KDM4C: variants seen among roughly 807,000 people sequenced by gnomAD.
The protein encoded by KDM4C is lysine-specific demethylase 4C.
In KDM4C, 81 loss-of-function variants were observed where a neutral mutation model predicts 129.3. That is an observed-to-expected ratio of 0.63 (90% CI 0.52 to 0.75). The LOEUF (loss-of-function observed/expected upper bound fraction) is 0.75, where lower values mean the gene tolerates loss of function less well. KDM4C is among the 30% of genes least tolerant of loss of function. The pLI is 0.00. For missense variants in KDM4C, 1,457 were observed against 1,304.0 expected (o/e 1.12, Z -1.81); for synonymous variants, 573 against 456.1 (o/e 1.26, Z -3.26).
intron 19 of KDM4C, among the ~76,000 whole-genome samples, chr9:7,132,876 A>G (rs1409301068): frequency 6.6e-6 from 1 of 152,242 alleles, no homozygotes; most frequent in Non-Finnish European, 1.5e-5. Context: ...ATGAGAAGAG[A>G]AACAGGACCA....
chr9:6,995,399 C>T (rs1819511826), intron 12 of KDM4C, among the ~76,000 whole-genome samples: 1 of 152,010 alleles, frequency 6.6e-6, no homozygotes, highest in South Asian at 2.1e-4. Context: ...AGAATAGTTG[C>T]CATGGAGATG....
At chr9:6,835,154 C>G in intron 4 of KDM4C, 1 of 969,334 alleles carries the variant, frequency 1.0e-6, no homozygotes, top group Middle Eastern at 2.1e-4. Context: ...TCCAGCTCCT[C>G]CCTGGAGAAG....
chr9:6,873,262 A>C (rs1843039777), intron 5 of KDM4C, among the ~76,000 whole-genome samples: 1 of 152,162 alleles, frequency 6.6e-6, no homozygotes, highest in South Asian at 2.1e-4. Flanking sequence ...CTGGGATTAC[A>C]GGTGTGCTGG....
intron 20 of KDM4C, among the ~76,000 whole-genome samples, chr9:7,166,062 A>G (rs912621759): frequency 5.3e-5 from 8 of 152,202 alleles, no homozygotes; most frequent in Admixed American, 5.2e-4. Context: ...TCCTTCAGAA[A>G]GGTTTTAAAA....
intron 10 of KDM4C, among the ~76,000 whole-genome samples, chr9:6,984,613 C>T (rs778626348): frequency 1.5e-4 from 23 of 151,524 alleles, no homozygotes; most frequent in Non-Finnish European, 2.9e-4. Flanking sequence ...AATTGTGAGA[C>T]AAGCAGTCAG....
intron 3 of KDM4C, among the ~76,000 whole-genome samples, chr9:6,811,214 C>T (rs760033529): frequency 7.2e-5 from 11 of 151,994 alleles, no homozygotes; most frequent in East Asian, 1.9e-4. Flanking sequence ...AGTGCAGTGG[C>T]GTGATCTCGG....
At chr9:7,142,939 A>G (rs1374321004) in intron 19 of KDM4C, among the ~76,000 whole-genome samples, 2 of 152,224 alleles carry the variant, frequency 1.3e-5, no homozygotes, top group African/African-American at 4.8e-5. Flanking sequence ...TAGGAATTAC[A>G]TCCTGTATAT....
intron 2 of KDM4C, among the ~76,000 whole-genome samples, chr9:6,801,299 C>G (rs1191276112): frequency 8.6e-6 from 1 of 116,774 alleles, no homozygotes; most frequent in African/African-American, 3.4e-5. Flanking sequence ...TGTCCCCAGG[C>G]TGGAGTGCAG....
chr9:6,985,330 C>T (rs971774204), intron 10 of KDM4C, among the ~76,000 whole-genome samples: 2 of 152,246 alleles, frequency 1.3e-5, no homozygotes, highest in African/African-American at 2.4e-5. Context: ...TCAGCTGCTA[C>T]TCCAGCCTCA....
intron 2 of KDM4C, among the ~76,000 whole-genome samples, chr9:6,805,232 C>T (rs759334314): frequency 2.0e-5 from 3 of 152,138 alleles, no homozygotes; most frequent in Non-Finnish European, 4.4e-5. Flanking sequence ...TTAACATAAT[C>T]GCTCAGTGTG....
intron 17 of KDM4C, among the ~76,000 whole-genome samples, chr9:7,086,588 G>C (rs745637959): frequency 2.0e-5 from 3 of 152,110 alleles, no homozygotes; most frequent in African/African-American, 4.8e-5. Context: ...GCTGTGCTGG[G>C]CACCACCCTG....
chr9:6,789,987 T>G (rs1449282386), intron 1 of KDM4C, among the ~76,000 whole-genome samples: 1 of 151,636 alleles, frequency 6.6e-6, no homozygotes, highest in African/African-American at 2.4e-5. Context: ...CATTTAAACT[T>G]TCTAGGCTGG....
chr9:7,094,605 T>G (rs1009617789), intron 17 of KDM4C, among the ~76,000 whole-genome samples: 20 of 152,208 alleles, frequency 1.3e-4, no homozygotes, highest in African/African-American at 4.8e-4. Flanking sequence ...GGCTCTGGAC[T>G]GGACAGCCAG....
intron 12 of KDM4C, among the ~76,000 whole-genome samples, chr9:6,998,013 A>G (rs1029322882): frequency 2.0e-5 from 3 of 152,260 alleles, no homozygotes; most frequent in Non-Finnish European, 4.4e-5. Flanking sequence ...GATATTGGCA[A>G]TATTCAGATT....
At chr9:6,973,990 G>C (rs974737422) in intron 8 of KDM4C, 1 of 152,212 alleles carries the variant, frequency 6.6e-6, no homozygotes, top group Admixed American at 6.5e-5. Context: ...TACTCATTAT[G>C]TTCCTGTGTA....
At chr9:6,926,262 A>C (rs1822503824) in intron 8 of KDM4C, among the ~76,000 whole-genome samples, 1 of 151,200 alleles carries the variant, frequency 6.6e-6, no homozygotes, top group South Asian at 2.1e-4. Flanking sequence ...GAGGAAAAAT[A>C]ATGTAAGAAT....
In KDM4C at chr9:6,972,892, G is replaced by T. The variant is rs150544528; in HGVS notation, c.922-8033G>T. Among the ~76,000 whole-genome samples the T allele has an allele frequency of 4.6e-3, 702 of 152,286 alleles. 3 individuals carry two copies. Among genetic ancestry groups the T allele is most frequent in the African/African-American group, 0.016 (676 of 41,572 alleles). ...AATTGTAAGAACACTGAAATCCATT[G>T]TGTGTTTTTCTATCTTCTGTTTGCT... On this transcript the variant is annotated intron_variant, in intron 8 of 21. Transcript: ENST00000381309.
In KDM4C at chr9:7,048,299, C is replaced by G. The variant is rs112692863; in HGVS notation, c.2316-793C>G. Among the ~76,000 whole-genome samples, 1,379 of 152,188 alleles carry G rather than the reference C, an allele frequency of 9.1e-3. 8 individuals carry two copies. Among genetic ancestry groups the G allele is most frequent in the Non-Finnish European group, 0.012 (848 of 67,982 alleles). ...CTGGTGGGATCGATACTTGTTCTCT[C>G]TTCCTGTGGTCTTGAAAGACAGGAT... On this transcript the variant is annotated intron_variant, in intron 16 of 21. Coordinates refer to ENST00000381309, the MANE Select transcript of KDM4C (RefSeq NM_015061.6).
intron 17 of KDM4C, among the ~76,000 whole-genome samples, chr9:7,075,043 C>T (rs1400871340): frequency 6.6e-6 from 1 of 152,122 alleles, no homozygotes; most frequent in Non-Finnish European, 1.5e-5. Flanking sequence ...TCTCCTCTTT[C>T]TTGAACAAAA....
Sources: gnomAD v4.1 joint callset for allele counts (sites outside exome capture counted in the v4.1 genomes callset) on GRCh38, gnomAD v4.1.1 for gene constraint, MANE v1.5 for transcripts, NCBI Gene and HGNC (gene_info 2026-07-23, HGNC 2026-07-21) for gene names.